The following SLC4A10 variants were observed in gnomAD, a reference collection of about 807,000 sequenced individuals.
The protein encoded by SLC4A10 is sodium-driven chloride bicarbonate exchanger.
In SLC4A10, 42 loss-of-function variants were observed where a neutral mutation model predicts 137.7. The observed-to-expected ratio is 0.30, with a 90% confidence interval of 0.24 to 0.39. The LOEUF is 0.39. Ranked by LOEUF, SLC4A10 falls within the 10% of genes least tolerant of loss-of-function variation. The pLI, the probability that SLC4A10 is intolerant of heterozygous loss-of-function variation, is 1.00. For missense variants in SLC4A10, 925 were observed against 1,355.0 expected (o/e 0.68, Z 4.98); for synonymous variants, 474 against 464.1 (o/e 1.02, Z -0.27).
chr2:161,864,788 T>A (rs1559414994), intron 6 of SLC4A10, among the ~76,000 whole-genome samples: 2 of 152,136 alleles, frequency 1.3e-5, no homozygotes, highest in African/African-American at 2.4e-5. Context: ...ATGTGATACA[T>A]AAGATAACAA....
chr2:161,878,567 A>T (rs905446215), intron 8 of SLC4A10, among the ~76,000 whole-genome samples: 6 of 152,182 alleles, frequency 3.9e-5, no homozygotes, highest in South Asian at 2.1e-4. Context: ...CTACTGTGTC[A>T]TATCTAAATT....
chr2:161,816,976 G>A (rs1575106664), intron 3 of SLC4A10, among the ~76,000 whole-genome samples: 1 of 152,118 alleles, frequency 6.6e-6, no homozygotes, highest in Admixed American at 6.6e-5. Flanking sequence ...ATGATTTATA[G>A]TCCTTTGGGT....
intron 25 of SLC4A10, 146 bp from the exon 26 acceptor site, chr2:161,977,576 T>G: frequency 1.6e-6 from 1 of 627,316 alleles, no homozygotes; most frequent in East Asian, 2.9e-5. Flanking sequence ...GAAAGAGGAA[T>G]TCCTATGTTA....
At chr2:161,968,737 G>A (rs115965246) in intron 23 of SLC4A10, among the ~76,000 whole-genome samples, 2,390 of 152,126 alleles carry the variant, frequency 0.016, 57 homozygotes, top group African/African-American at 0.054. Context: ...ATTCTCCATC[G>A]AACAGGAAAG....
At chr2:161,868,355 A>G (rs1159535321) in intron 6 of SLC4A10, among the ~76,000 whole-genome samples, 1 of 151,794 alleles carries the variant, frequency 6.6e-6, no homozygotes, top group Non-Finnish European at 1.5e-5. Flanking sequence ...TGACTTTACC[A>G]GTCTCACAAT....
At chr2:161,855,972 ATG>A (rs1244022171) in intron 5 of SLC4A10, among the ~76,000 whole-genome samples, 1 of 152,122 alleles carries the variant, frequency 6.6e-6, no homozygotes, top group African/African-American at 2.4e-5. Context: ...GAAAAACTAT[ATG>A]TGTGTTTTTA....
chr2:161,968,708 A>G (rs974416051), intron 23 of SLC4A10, among the ~76,000 whole-genome samples: 5 of 152,218 alleles, frequency 3.3e-5, no homozygotes, highest in Non-Finnish European at 7.4e-5. Flanking sequence ...TATAGCTCTG[A>G]CTAGTGCAAA....
chr2:161,814,278 C>T (rs1365275877), intron 3 of SLC4A10, among the ~76,000 whole-genome samples: 1 of 152,068 alleles, frequency 6.6e-6, no homozygotes, highest in Non-Finnish European at 1.5e-5. Context: ...TAAAAAATAA[C>T]AGATTCTGAC....
intron 3 of SLC4A10, among the ~76,000 whole-genome samples, chr2:161,817,296 T>A (rs2057180408): frequency 6.6e-6 from 1 of 152,248 alleles, no homozygotes; most frequent in Non-Finnish European, 1.5e-5. Flanking sequence ...AAGTGTCTGT[T>A]CATATCCTTT....
At chr2:161,901,916 T>C (rs1683198220) in intron 12 of SLC4A10, 2 of 402,888 alleles carry the variant, frequency 5.0e-6, no homozygotes, top group Non-Finnish European at 9.7e-6. Flanking sequence ...TTTCAAATGC[T>C]GTCTTTTTAT....
At chr2:161,780,611 A>T (rs1435145349) in intron 2 of SLC4A10, among the ~76,000 whole-genome samples, 1 of 152,050 alleles carries the variant, frequency 6.6e-6, no homozygotes, top group Admixed American at 6.6e-5. Flanking sequence ...AAGCTTTTAC[A>T]CATTTCTAAT....
At chr2:161,807,768 A>G (rs1323700698) in intron 3 of SLC4A10, among the ~76,000 whole-genome samples, 1 of 152,108 alleles carries the variant, frequency 6.6e-6, no homozygotes, top group East Asian at 1.9e-4. Flanking sequence ...AGGAAGCAGC[A>G]TTTTATTTAA....
intron 1 of SLC4A10, among the ~76,000 whole-genome samples, chr2:161,662,404 A>G (rs532735004): frequency 1.1e-4 from 16 of 152,112 alleles, no homozygotes; most frequent in Non-Finnish European, 1.9e-4. Flanking sequence ...TTTTTTTTAA[A>G]AACTGTCTTC....
chr2:161,924,767 G>A (rs1055655206), intron 15 of SLC4A10, among the ~76,000 whole-genome samples: 1 of 152,156 alleles, frequency 6.6e-6, no homozygotes, highest in Non-Finnish European at 1.5e-5. Flanking sequence ...CGGTTAAAAT[G>A]TAAGTACACT....
At chr2:161,975,758 G>A (rs1436458332) in intron 24 of SLC4A10, among the ~76,000 whole-genome samples, 2 of 152,220 alleles carry the variant, frequency 1.3e-5, no homozygotes, top group East Asian at 3.9e-4. Context: ...GAAGGGGCAA[G>A]GTTGCTCCAT....
intron 1 of SLC4A10, among the ~76,000 whole-genome samples, chr2:161,641,900 C>A (rs2035375329): frequency 6.6e-6 from 1 of 151,930 alleles, no homozygotes; most frequent in African/African-American, 2.4e-5. Context: ...ATACAATATT[C>A]ATTTAGAAGG....
At chr2:161,772,257 C>T (rs535959657) in intron 2 of SLC4A10, among the ~76,000 whole-genome samples, 3 of 151,782 alleles carry the variant, frequency 2.0e-5, no homozygotes, top group East Asian at 1.9e-4. Context: ...TCTTTGAGTT[C>T]GAAATGCCAT....
At chr2:161,649,953 C>T (rs2036560583) in intron 1 of SLC4A10, among the ~76,000 whole-genome samples, 1 of 152,106 alleles carries the variant, frequency 6.6e-6, no homozygotes, top group Admixed American at 6.5e-5. Context: ...TACTCAATTT[C>T]CTCTACTATT....
intron 11 of SLC4A10, among the ~76,000 whole-genome samples, chr2:161,900,142 G>C (rs1255541493): frequency 1.3e-5 from 2 of 151,984 alleles, no homozygotes; most frequent in Non-Finnish European, 2.9e-5. Context: ...TAGGATTTTA[G>C]GTAGAACTTT....
Sources: allele counts gnomAD v4.1 joint callset (sites outside exome capture counted in the v4.1 genomes callset), GRCh38; gene constraint gnomAD v4.1.1; transcripts MANE v1.5; gene names NCBI Gene and HGNC (gene_info 2026-07-23, HGNC 2026-07-21).